The following KDM6B variants were observed in gnomAD, a reference collection of about 807,000 sequenced individuals.
The protein encoded by KDM6B is lysine-specific demethylase 6B.
A neutral mutation model predicts 150.4 loss-of-function variants in KDM6B; 22 were observed. That is an observed-to-expected ratio of 0.15 (90% confidence interval 0.10 to 0.21). The LOEUF is 0.21. Among genes scored for constraint, KDM6B ranks in the 10% least tolerant of loss-of-function variants. The pLI, the probability that KDM6B is intolerant of heterozygous loss-of-function variation, is 1.00. For missense variants in KDM6B, 1,984 were observed against 2,234.3 expected, an observed-to-expected ratio of 0.89 and a Z score of 2.26; for synonymous variants, 1,148 against 921.1, an observed-to-expected ratio of 1.25 and a Z score of -4.46.
chr17:7,853,489 T>TC lies in KDM6B; in HGVS notation c.4909-3dup, dbSNP rs2078746727. The TC allele has an allele frequency of 1.3e-6, 2 of 1,502,674 alleles. No individual in the cohort carries two copies. The highest frequency in any genetic ancestry group is 1.8e-6 in the Non-Finnish European group (2 of 1,133,014). The allele number at this position is 1,502,674 out of a possible 1,614,324, so 93.1% of individuals were successfully genotyped here. On this transcript the variant is annotated splice_polypyrimidine_tract_variant and intron_variant, in intron 23 of 23. Coordinates refer to ENST00000448097, the MANE Select transcript of KDM6B (RefSeq NM_001348716.2). ...TTTCCCTGAGCCCCCGCCGGCTTTC[T>TC]CCCCCCAGGCCCCAGCCAGCACGTC...
chr17:7,838,976 C>T (rs1475754936), intron 1 of KDM6B, among the ~76,000 whole-genome samples: 1 of 152,044 alleles, frequency 6.6e-6, no homozygotes, highest in Admixed American at 6.6e-5. Context: ...GGGCTAGAGG[C>T]CTGAGTCTCT....
rs779098944 is a variant in KDM6B at position 7,848,117 on chromosome 17, C to A, written c.1829C>A (p.Pro610His). The change falls in exon 12 of 24, where the codon CCT becomes CAT. Residue 610 changes from proline (P) to histidine (H), a missense_variant. Around this residue, in one of 13 missense-constraint regions of KDM6B, gnomAD observed 1,379 missense variants for 1,275.6 expected, o/e 1.08. Coordinates refer to ENST00000448097, the MANE Select transcript of KDM6B (RefSeq NM_001348716.2). ...VPLTLALPPA[P>H]PSSCHQNTSG... is the part of the protein sequence containing the mutation. ...CTGACTCTTGCCCTGCCTCCAGCCC[C>A]TCCTTCCTCCTGCCACCAAAATACC... 6.2e-7 allele frequency: 1 copy of A among 1,613,080 alleles called. No homozygotes were observed. Among genetic ancestry groups the A allele is most frequent in the East Asian group, 2.2e-5 (1 of 44,828 alleles).
In KDM6B at chr17:7,854,045, A is replaced by AT. The variant is rs1244268277; in HGVS notation, c.*530dup. The AT allele has an allele frequency of 6.6e-6, 1 of 152,392 alleles. No homozygotes were observed. Among genetic ancestry groups the AT allele is most frequent in the East Asian group, 1.9e-4 (1 of 5,188 alleles). The allele number at this position is 152,392 out of a possible 1,614,324, so 9.4% of individuals were successfully genotyped here. ...CTTTATTCACTTGGTTATGATTTGT[A>AT]TTTTTTGTTCTTTTCTTGTTTTTTT... On this transcript the variant is annotated 3_prime_UTR_variant, in exon 24 of 24. Coordinates refer to ENST00000448097, the MANE Select transcript of KDM6B (RefSeq NM_001348716.2).
Position 7,848,365 on chromosome 17 carries a change from G to A in KDM6B, c.2077G>A (p.Asp693Asn). The change falls in exon 12 of 24, where the codon GAT becomes AAT. Residue 693 changes from aspartate to asparagine, a missense_variant. Asp to Asn is a conservative substitution (Grantham distance 23, BLOSUM62 1). This residue lies in a region of KDM6B where 1,379 missense variants were observed against 1,275.6 expected (regional missense o/e 1.08). Coordinates refer to ENST00000448097, the MANE Select transcript of KDM6B (RefSeq NM_001348716.2). Reference protein sequence around the residue: ...EEPAEFKILPDGLANIMKMLD... With the variant: ...EEPAEFKILPNGLANIMKMLD... Reference sequence around the variant, plus strand: ...GCCAGCCGAATTCAAGATCCTACCTGATGGGCTGGCCAACATCATGAAGAT... The same window carrying A: ...GCCAGCCGAATTCAAGATCCTACCTAATGGGCTGGCCAACATCATGAAGAT... 1 of 1,612,942 alleles carries A rather than the reference G, an allele frequency of 6.2e-7. No individual in the cohort carries two copies.
rs147815183 is a variant in KDM6B, at chr17:7,849,225, TCAG to T, written c.2938_2940del (p.Gln980del). On this transcript the variant is annotated inframe_deletion, in exon 12 of 24. Transcript: ENST00000448097. ...GCTGTAAGCGGCGACAGAAGGAGCA[TCAG>T]AAGGAGCATCGGCGGCACAGGCGGG... The T allele has an allele frequency of 9.5e-4, 1,501 of 1,586,330 alleles. 3 individuals carry two copies. Among genetic ancestry groups the T allele is most frequent in the Non-Finnish European group, 1.2e-3 (1,375 of 1,166,448 alleles).
In KDM6B at chr17:7,854,550, A is replaced by G. The variant is rs4791855; in HGVS notation, c.*1029A>G. ...CCCTTTTCTTTTTAAGTGTGAAACA[A>G]CCCAGGGCCAGGGCCTCACTGGGGC... On this transcript the variant is annotated 3_prime_UTR_variant, in exon 24 of 24. Coordinates refer to ENST00000448097, the MANE Select transcript of KDM6B (RefSeq NM_001348716.2). 0.027 allele frequency: 4,103 copies of G among 153,496 alleles called. 198 individuals carry two copies. The highest frequency in any genetic ancestry group is 0.094 in the African/African-American group (3,910 of 41,452). 9.5% of individuals were successfully genotyped at this position (153,496 alleles called of 1,614,324 possible). A position where few individuals can be genotyped will look rare whatever the true frequency, so the allele number is the denominator to read the frequency against.
Position 7,853,579 on chromosome 17 carries a change from A to G in KDM6B, c.*58A>G. The G allele has an allele frequency of 4.6e-6, 6 of 1,302,072 alleles. No individual in the cohort carries two copies. Among genetic ancestry groups the G allele is most frequent in the South Asian group, 1.7e-5 (1 of 59,356 alleles). 80.7% of individuals were successfully genotyped at this position (1,302,072 alleles called of 1,614,324 possible). A position where few individuals can be genotyped will look rare whatever the true frequency, so the allele number is the denominator to read the frequency against. ...CAAGGCGCCGCGGGGCCACCAGCAC[A>G]TGCCTGGGCTGGACCTAGGTCCCGC... On this transcript the variant is annotated 3_prime_UTR_variant, in exon 24 of 24. Transcript: ENST00000448097.
rs752485674 is a variant in KDM6B, at chr17:7,846,178, C to G, written c.337C>G (p.Leu113Val). ...EPAQPGLWEQLGQLYESEHDS... is the reference protein window; with the variant it reads ...EPAQPGLWEQVGQLYESEHDS... ...AGCCCAGCCAGGGCTTTGGGAACAG[C>G]TTGGGCAACTGTACGAGTCAGAGCA... Residue 113 changes from leucine to valine, a missense_variant, in exon 7 of 24, where the codon CTT (leucine) becomes GTT (valine). Physicochemically the swap from Leu to Val is conservative, Grantham distance 32. Around this residue, in one of 13 missense-constraint regions of KDM6B, gnomAD observed 337 missense variants for 323.9 expected, o/e 1.04. Coordinates refer to ENST00000448097, the MANE Select transcript of KDM6B (RefSeq NM_001348716.2). 6.2e-7 allele frequency: 1 copy of G among 1,614,088 alleles called. No homozygotes were observed. Among genetic ancestry groups the G allele is most frequent in the Admixed American group, 1.7e-5 (1 of 60,018 alleles).
In KDM6B at chr17:7,849,495, C is replaced by G. The variant is rs1011726340; in HGVS notation, c.3207C>G (p.Val1069=). 7 of 1,612,756 alleles carry G rather than the reference C, an allele frequency of 4.3e-6. No homozygotes were observed. In the African/African-American group the frequency reaches 6.7e-5, roughly 15 times the overall value. The part of the protein sequence containing the change: ...SAQPTPPSAS[V]PGKKAREEAP... The stretch of plus-strand genomic sequence containing the variant: ...AGCCCACACCCCCGTCAGCCTCTGT[C>G]CCTGGAAAGAAGGCTCGGGAGGAAG... Residue 1069 remains valine, a synonymous_variant, in exon 12 of 24, where the codon GTC becomes GTG. Transcript: ENST00000448097.
chr17:7,848,776 G>T lies in KDM6B; in HGVS notation c.2488G>T (p.Gly830Trp), dbSNP rs757121804. The T allele has an allele frequency of 5.0e-6, 8 of 1,612,744 alleles. No individual in the cohort carries two copies. Among genetic ancestry groups the T allele is most frequent in the Non-Finnish European group, 6.8e-6 (8 of 1,180,014 alleles). The part of the protein sequence containing the change: ...GTGAAVSTRP[G>W]PLPTTQYSPG... Reference sequence around the variant, plus strand: ...TGGAGCAGCTGTTTCCACCCGGCCTGGGCCCTTGCCCACCACTCAGTATTC... The same window carrying T: ...TGGAGCAGCTGTTTCCACCCGGCCTTGGCCCTTGCCCACCACTCAGTATTC... The change falls in exon 12 of 24, where the codon GGG (glycine) becomes TGG (tryptophan). Residue 830 changes from glycine (G) to tryptophan (W), a missense_variant. Gly to Trp is a radical substitution (Grantham distance 184, BLOSUM62 -2). Coordinates refer to ENST00000448097, the MANE Select transcript of KDM6B (RefSeq NM_001348716.2).
Position 7,849,514 on chromosome 17 carries a change from G to T in KDM6B, c.3226G>T (p.Glu1076Ter). 1 of 1,612,872 alleles carries T rather than the reference G, an allele frequency of 6.2e-7. No homozygotes were observed. Among genetic ancestry groups the T allele is most frequent in the Non-Finnish European group, 8.5e-7 (1 of 1,179,962 alleles). Residue 1076 changes from glutamate (E) to a stop codon, truncating the protein, a stop_gained, in exon 12 of 24, where the codon GAG becomes TAG. Transcript: ENST00000448097. LOFTEE classifies it high-confidence loss of function. ...CTCTGTCCCTGGAAAGAAGGCTCGG[G>T]AGGAAGCCCCAGGGCCACCGGGTGT... Reference protein sequence around the residue: ...SASVPGKKAREEAPGPPGVSR... With the variant: ...SASVPGKKAR
At chr17:7,834,960 C>T (rs1469862682) in intron 1 of KDM6B, among the ~76,000 whole-genome samples, 1 of 152,114 alleles carries the variant, frequency 6.6e-6, no homozygotes, top group African/African-American at 2.4e-5. Flanking sequence ...CGTTCCCGAA[C>T]CCTAGCGCGC....
Position 7,847,701 on chromosome 17 carries a change from C to T in KDM6B, c.1413C>T (p.Pro471=). 1 of 1,545,446 alleles carries T rather than the reference C, an allele frequency of 6.5e-7. No individual in the cohort carries two copies. The highest frequency in any genetic ancestry group is 1.2e-5 in the South Asian group (1 of 84,200). Reference sequence around the variant, plus strand: ...CTGGACCTTCCTCACCCCCTCCACCCCCCTGTCCCCGCCTCTTACGCCCCC... The same window carrying T: ...CTGGACCTTCCTCACCCCCTCCACCTCCCTGTCCCCGCCTCTTACGCCCCC... ...LPPGPSSPPP[P]PCPRLLRPPP... is the part of the protein sequence containing the mutation. Residue 471 remains proline (P), a synonymous_variant, in exon 12 of 24, where the codon CCC becomes CCT. Coordinates refer to ENST00000448097, the MANE Select transcript of KDM6B (RefSeq NM_001348716.2).
intron 1 of KDM6B, among the ~76,000 whole-genome samples, chr17:7,837,288 G>C (rs981405142): frequency 1.7e-5 from 2 of 120,428 alleles, no homozygotes; most frequent in African/African-American, 5.5e-5. Flanking sequence ...TGTGTAGTAT[G>C]GGGGGGGGTT....
Position 7,853,660 on chromosome 17 carries a change from CACTT to C in KDM6B, c.*141_*144del, listed in dbSNP as rs1470005901. On this transcript the variant is annotated 3_prime_UTR_variant, in exon 24 of 24. Transcript: ENST00000448097. ...CTTCCACCCCATTGGCAGCTCCCCT[CACTT>C]AATTTATTAAGAAAAACTTTTTTTT... 5 of 460,868 alleles carry C rather than the reference CACTT, an allele frequency of 1.1e-5. No individual in the cohort carries two copies. The highest frequency in any genetic ancestry group is 4.3e-5 in the East Asian group (1 of 23,348). The allele number at this position is 460,868 out of a possible 1,614,324, so 28.5% of individuals were successfully genotyped here. A position where few individuals can be genotyped will look rare whatever the true frequency, so the allele number is the denominator to read the frequency against.
chr17:7,839,052 G>A (rs1462405700), intron 1 of KDM6B, among the ~76,000 whole-genome samples: 1 of 152,190 alleles, frequency 6.6e-6, no homozygotes, highest in Admixed American at 6.5e-5. Flanking sequence ...GACCCCAAGT[G>A]TTTGGGTCCA....
chr17:7,846,381 C>CCCG lies in KDM6B; in HGVS notation c.457-19_457-18insCCG. 6.5e-7 allele frequency: 1 copy of CCCG among 1,529,394 alleles called. No individual in the cohort carries two copies. The highest frequency in any genetic ancestry group is 8.9e-7 in the Non-Finnish European group (1 of 1,123,096). The allele number at this position is 1,529,394 out of a possible 1,614,324, so 94.7% of individuals were successfully genotyped here. A position where few individuals can be genotyped will look rare whatever the true frequency, so the allele number is the denominator to read the frequency against. On this transcript the variant is annotated intron_variant, in intron 7 of 23. Transcript: ENST00000448097. Reference sequence around the variant, plus strand: ...CCCCACCTGACATCTGCCCCTGCCCCGTGTCCCCCCACCCCCAGGCCCAGC... The same window carrying CCCG: ...CCCCACCTGACATCTGCCCCTGCCCCCCGGTGTCCCCCCACCCCCAGGCCCAGC...
At chr17:7,852,710 C>G (rs1026276334) in intron 21 of KDM6B, 74 bp downstream of exon 21, 87 of 1,590,946 alleles carry the variant, frequency 5.5e-5, no homozygotes, top group Middle Eastern at 1.7e-4. Flanking sequence ...TCTGACTCCA[C>G]CCCATTTTTA....
intron 4 of KDM6B, 22 bp downstream of exon 4, chr17:7,845,478 A>G (rs2078512536): frequency 6.3e-7 from 1 of 1,589,672 alleles, no homozygotes; most frequent in African/African-American, 1.3e-5. Flanking sequence ...TCTGGGGCCG[A>G]GCTGGCTGGA....
Sources: gnomAD v4.1 joint callset for allele counts (sites outside exome capture counted in the v4.1 genomes callset) on GRCh38, gnomAD v4.1.1 for gene constraint, gnomAD v4.1.1 regional missense constraint, MANE v1.5 for transcripts, NCBI Gene and HGNC (gene_info 2026-07-23, HGNC 2026-07-21) for gene names.